TANC2: variants seen among roughly 807,000 people sequenced by gnomAD.
The protein encoded by TANC2 is protein TANC2.
A neutral mutation model predicts 210.5 loss-of-function variants in TANC2; 26 were observed. That is an observed-to-expected ratio of 0.12 (90% CI 0.09 to 0.17). The LOEUF is 0.17. TANC2 is among the 10% of genes least tolerant of loss of function. The probability of loss-of-function intolerance (pLI) is 1.00; values close to 1 mark genes in which losing one functional copy is unlikely to be tolerated. For synonymous variants in TANC2, 931 were observed against 967.1 expected, an observed-to-expected ratio of 0.96 and a Z score of 0.69; for missense variants, 2,129 against 2,608.9, an observed-to-expected ratio of 0.82 and a Z score of 4.01.
intron 2 of TANC2, among the ~76,000 whole-genome samples, chr17:63,049,931 C>T (rs1380737883): frequency 2.0e-5 from 3 of 152,032 alleles, no homozygotes; most frequent in African/African-American, 4.8e-5. Context: ...GATGACTCCA[C>T]GGTTTTTGGC....
intron 4 of TANC2, among the ~76,000 whole-genome samples, chr17:63,144,131 G>T (rs1173030438): frequency 6.6e-6 from 1 of 152,114 alleles, no homozygotes; most frequent in East Asian, 1.9e-4. Flanking sequence ...GAGACCATAT[G>T]CTACGAGTTG....
chr17:63,145,436 T>C (rs913958312), intron 4 of TANC2, among the ~76,000 whole-genome samples: 1 of 152,178 alleles, frequency 6.6e-6, no homozygotes, highest in Non-Finnish European at 1.5e-5. Flanking sequence ...TTTTAAAATA[T>C]AGTTTTCTCT....
chr17:63,278,181 A>G (rs966517516), intron 9 of TANC2, among the ~76,000 whole-genome samples: 3 of 152,150 alleles, frequency 2.0e-5, no homozygotes, highest in Admixed American at 6.6e-5. Context: ...GAGAAGCAAC[A>G]GAGTAACAAG....
intron 1 of TANC2, among the ~76,000 whole-genome samples, chr17:62,986,796 T>C (rs530526924): frequency 1.3e-5 from 2 of 152,178 alleles, no homozygotes; most frequent in African/African-American, 2.4e-5. Context: ...GGGATGCAGA[T>C]GCGTGATTGC....
intron 8 of TANC2, among the ~76,000 whole-genome samples, chr17:63,253,896 G>C (rs970960250): frequency 7.9e-5 from 12 of 152,096 alleles, no homozygotes; most frequent in Non-Finnish European, 7.4e-5. Context: ...CAGTCAGCCT[G>C]CCTCGGTCTC....
chr17:63,176,470 T>TTA (rs2040583857), intron 5 of TANC2, among the ~76,000 whole-genome samples: 1 of 152,164 alleles, frequency 6.6e-6, no homozygotes, highest in Non-Finnish European at 1.5e-5. Flanking sequence ...ATTTAATTAC[T>TTA]TATATAAGCT....
At chr17:63,002,845 T>G (rs1449746732) in intron 1 of TANC2, among the ~76,000 whole-genome samples, 1 of 152,234 alleles carries the variant, frequency 6.6e-6, no homozygotes, top group Non-Finnish European at 1.5e-5. Flanking sequence ...CTGAGTAATA[T>G]TCCTCTTTGT....
At chr17:63,071,126 C>A (rs943959585) in intron 2 of TANC2, among the ~76,000 whole-genome samples, 1 of 152,086 alleles carries the variant, frequency 6.6e-6, no homozygotes, top group South Asian at 2.1e-4. Context: ...TACTTCTTTT[C>A]TTGTTAGAGC....
intron 3 of TANC2, among the ~76,000 whole-genome samples, chr17:63,091,820 A>G (rs995807778): frequency 2.6e-5 from 4 of 152,082 alleles, no homozygotes; most frequent in African/African-American, 7.2e-5. Flanking sequence ...CCATTTTCAC[A>G]ATATTGATTC....
At chr17:63,059,125 AT>A (rs756203763) in intron 2 of TANC2, among the ~76,000 whole-genome samples, 1 of 151,576 alleles carries the variant, frequency 6.6e-6, no homozygotes, top group African/African-American at 2.4e-5. Context: ...TTGGGAATTA[AT>A]TTTTTTATGT....
At chr17:63,060,896 C>A in intron 2 of TANC2, among the ~76,000 whole-genome samples, 1 of 151,962 alleles carries the variant, frequency 6.6e-6, no homozygotes, top group East Asian at 1.9e-4. Flanking sequence ...CCATTTTATT[C>A]TGTTTCTTTT....
At chr17:63,377,590 A>G (rs562018941) in intron 14 of TANC2, among the ~76,000 whole-genome samples, 68 of 152,294 alleles carry the variant, frequency 4.5e-4, no homozygotes, top group Non-Finnish European at 4.4e-5. Flanking sequence ...CATTTTGGTC[A>G]AAGCCATTCA....
At chr17:63,224,079 C>T (rs1182699220) in intron 7 of TANC2, among the ~76,000 whole-genome samples, 1 of 151,998 alleles carries the variant, frequency 6.6e-6, no homozygotes, top group Non-Finnish European at 1.5e-5. Context: ...GATCTGAAAC[C>T]TAAGGGACTG....
chr17:63,064,890 G>T (rs2036140654), intron 2 of TANC2, among the ~76,000 whole-genome samples: 2 of 150,850 alleles, frequency 1.3e-5, no homozygotes, highest in Non-Finnish European at 3.0e-5. Flanking sequence ...TTTTTGTGGA[G>T]AATATTTAAT....
rs781235539 is a variant in TANC2, at chr17:63,073,989, C to A, written c.114C>A (p.Asp38Glu). The change falls in exon 3 of 28, where the codon GAC becomes GAA. Residue 38 changes from aspartate (D) to glutamate (E), a missense_variant. Physicochemically the swap from Asp to Glu is conservative, Grantham distance 45. Around this residue, in one of 5 missense-constraint regions of TANC2, gnomAD observed 739 missense variants for 848.0 expected, o/e 0.87. Coordinates refer to ENST00000689528, the Ensembl canonical transcript of TANC2. ...CGGATCGAAGACAGTCAAGTGTAGA[C>A]TCTCGCCAAAGCCGCTCTGGGCAAG... The A allele has an allele frequency of 2.3e-5, 37 of 1,583,004 alleles. 1 individual carries two copies. The South Asian group carries it at 3.9e-4, about 17-fold the overall frequency.
intron 2 of TANC2, among the ~76,000 whole-genome samples, chr17:63,013,957 T>C (rs1053192193): frequency 6.6e-6 from 1 of 152,002 alleles, no homozygotes; most frequent in African/African-American, 2.4e-5. Context: ...ACCATACGCA[T>C]ATCATCTCTG....
At chr17:63,279,142 A>C (rs2043984226) in intron 9 of TANC2, among the ~76,000 whole-genome samples, 1 of 152,100 alleles carries the variant, frequency 6.6e-6, no homozygotes, top group Admixed American at 6.6e-5. Context: ...TAGGCAACAG[A>C]TGGCACTGAA....
At chr17:63,396,109 C>A in intron 18 of TANC2, 181 bp downstream of exon 18, 1 of 600,048 alleles carries the variant, frequency 1.7e-6, no homozygotes. Context: ...CAAAGTCCCT[C>A]AAATTATAGG....
At chr17:63,099,335 C>G (rs565972242) in exon 4 of TANC2, 2 of 1,536,826 alleles carry the variant, frequency 1.3e-6, no homozygotes, top group African/African-American at 1.4e-5. Context: ...GTGTTCGGCT[C>G]CAGCCTGTGA....
Sources: allele counts gnomAD v4.1 joint callset (sites outside exome capture counted in the v4.1 genomes callset), GRCh38; gene constraint gnomAD v4.1.1; regional missense constraint gnomAD v4.1.1; transcripts MANE v1.5; gene names NCBI Gene and HGNC (gene_info 2026-07-23, HGNC 2026-07-21).